Variants in FRY observed in about 807,000 individuals in gnomAD.
FRY encodes FRY microtubule binding protein.
FRY carries 128 observed loss-of-function variants against 348.4 expected under a neutral mutation model. That is an observed-to-expected ratio of 0.37 (90% CI 0.32 to 0.43). FRY has a LOEUF of 0.43. Among genes scored for constraint, FRY ranks in the 20% least tolerant of loss-of-function variants. The pLI, the probability that FRY is intolerant of heterozygous loss-of-function variation, is 1.00. For synonymous variants in FRY, 1,370 were observed against 1,374.7 expected (o/e 1.00, Z 0.08); for missense variants, 2,736 against 3,695.2 (o/e 0.74, Z 6.73).
At chr13:32,225,083 T>A in intron 38 of FRY, 47 bp downstream of exon 38, 1 of 1,028,056 alleles carries the variant, frequency 9.7e-7, no homozygotes, top group Non-Finnish European at 1.6e-6. Flanking sequence ...GTTAAAAATA[T>A]ACAGAAGTAA....
At position 32,145,122 on chromosome 13, in the gene FRY, G is replaced by A. The variant is rs570155161; in HGVS notation, c.1180-2160G>A. Among the ~76,000 whole-genome samples, 21 of 152,322 alleles carry A rather than the reference G, an allele frequency of 1.4e-4. 1 individual carries two copies. In the South Asian group the frequency reaches 3.9e-3, roughly 29 times the overall value. The stretch of plus-strand genomic sequence containing the variant: ...TAGCTAGGGTTTACAAAGCTTGCGG[G>A]AGAGTAACAGGATGGGAGGCAGAAG... On this transcript the variant is annotated intron_variant, in intron 11 of 60. Transcript: ENST00000542859.
At chr13:32,078,386 A>G (rs190649895) in intron 1 of FRY, among the ~76,000 whole-genome samples, 1 of 152,342 alleles carries the variant, frequency 6.6e-6, no homozygotes, top group Admixed American at 6.5e-5. Flanking sequence ...GAATGACCCC[A>G]GAGTCCTTTC....
At chr13:32,154,497 G>T (rs1479403047) in intron 14 of FRY, among the ~76,000 whole-genome samples, 1 of 152,156 alleles carries the variant, frequency 6.6e-6, no homozygotes, top group Non-Finnish European at 1.5e-5. Flanking sequence ...AGGCAAACCA[G>T]ATTTAGATGC....
chr13:32,154,711 A>G (rs1881002944), intron 14 of FRY, among the ~76,000 whole-genome samples: 1 of 152,224 alleles, frequency 6.6e-6, no homozygotes, highest in Non-Finnish European at 1.5e-5. Flanking sequence ...CATAGGTAGT[A>G]GTATACTTGG....
chr13:32,115,710 G>A (rs1310386692), intron 3 of FRY, among the ~76,000 whole-genome samples: 1 of 149,940 alleles, frequency 6.7e-6, no homozygotes, highest in Non-Finnish European at 1.5e-5. Context: ...TTTTTCTTGG[G>A]TCTCATCTCA....
chr13:32,177,388 G>A (rs1260091311), intron 20 of FRY, among the ~76,000 whole-genome samples: 3 of 152,124 alleles, frequency 2.0e-5, no homozygotes, highest in South Asian at 4.2e-4. Context: ...TCAGGAATTC[G>A]AGACCAGCCT....
At position 32,057,796 on chromosome 13, in the gene FRY, A is replaced by G. The variant is rs144438578; in HGVS notation, c.71-21038A>G. ...AACACGGTGAAACCCTGTCTCTACT[A>G]AAAAATACAAAAAATTAGCCGAGTG... On this transcript the variant is annotated intron_variant, in intron 1 of 60. Transcript: ENST00000542859. Among the ~76,000 whole-genome samples, 348 of 152,076 alleles carry G rather than the reference A, an allele frequency of 2.3e-3. 2 individuals are homozygous for G. Among genetic ancestry groups the G allele is most frequent in the African/African-American group, 8.0e-3 (333 of 41,496 alleles).
chr13:32,086,802 G>A (rs1029775781), intron 2 of FRY, among the ~76,000 whole-genome samples: 2 of 152,122 alleles, frequency 1.3e-5, no homozygotes, highest in African/African-American at 4.8e-5. Flanking sequence ...AATGAGAGCT[G>A]TGCTTATCTT....
intron 47 of FRY, among the ~76,000 whole-genome samples, chr13:32,245,949 T>TAA (rs1298410995): frequency 1.8e-4 from 27 of 152,326 alleles, no homozygotes; most frequent in African/African-American, 5.3e-4. Context: ...CCAAATTACT[T>TAA]ACAGAAATTA....
intron 7 of FRY, among the ~76,000 whole-genome samples, chr13:32,130,452 T>TTGTGTGTGTGTGTGTGTGTGTGTGTG (rs58000380): frequency 9.2e-5 from 13 of 141,988 alleles, no homozygotes; most frequent in African/African-American, 2.9e-4. Context: ...TGGAAAGTGT[T>TTGTGTGTGTGTGTGTGTGTGTGTGTG]TGTGTGTGTG....
At chr13:32,230,502 A>G (rs1037325824) in intron 40 of FRY, among the ~76,000 whole-genome samples, 1 of 152,140 alleles carries the variant, frequency 6.6e-6, no homozygotes, top group Non-Finnish European at 1.5e-5. Context: ...ATAATCTTGT[A>G]CATTTTTATG....
chr13:32,082,462 A>C (rs182972118), intron 2 of FRY, among the ~76,000 whole-genome samples: 13 of 150,652 alleles, frequency 8.6e-5, no homozygotes, highest in African/African-American at 2.5e-4. Context: ...TTTCCCAAGC[A>C]AAGTGTTCTA....
At chr13:32,199,234 G>C (rs1883863195) in intron 29 of FRY, among the ~76,000 whole-genome samples, 1 of 152,186 alleles carries the variant, frequency 6.6e-6, no homozygotes, top group Admixed American at 6.5e-5. Flanking sequence ...AGTTCCCAGA[G>C]AAGGCTTCAG....
intron 47 of FRY, 48 bp from the exon 48 acceptor site, chr13:32,247,275 T>TA (rs779364601): frequency 3.5e-5 from 53 of 1,503,512 alleles, no homozygotes; most frequent in Non-Finnish European, 4.6e-5. Context: ...ACATTAGCTT[T>TA]AAAAAAATTA....
intron 17 of FRY, among the ~76,000 whole-genome samples, chr13:32,169,805 A>G (rs1463263885): frequency 6.6e-6 from 1 of 152,156 alleles, no homozygotes; most frequent in East Asian, 1.9e-4. Flanking sequence ...AAATAAATGA[A>G]TGAATATGTA....
chr13:32,165,668 G>A (rs73167174), intron 17 of FRY, among the ~76,000 whole-genome samples: 3,491 of 152,240 alleles, frequency 0.023, 61 homozygotes, highest in Non-Finnish European at 0.031. Flanking sequence ...AAAGGAGGAT[G>A]TTTCTCCTAA....
intron 35 of FRY, among the ~76,000 whole-genome samples, chr13:32,216,080 T>C (rs1236068055): frequency 6.6e-6 from 1 of 152,196 alleles, no homozygotes; most frequent in African/African-American, 2.4e-5. Context: ...ATTATTAATT[T>C]GAGCTAAATC....
intron 18 of FRY, among the ~76,000 whole-genome samples, chr13:32,172,230 G>A (rs1435693300): frequency 2.0e-5 from 3 of 151,746 alleles, no homozygotes; most frequent in Admixed American, 2.0e-4. Flanking sequence ...GGATGTGATA[G>A]GGATGTGGAT....
Position 32,231,253 on chromosome 13 carries a change from C to T in FRY, c.5480C>T (p.Thr1827Ile). ...AATTCAAAGAGTGCTGAACAGCTCA[C>T]TAATTTTCTACGTCACGTTGTATCT... ...NQNSKSAEQL[T>I]NFLRHVVSVF... The change falls in exon 41 of 61, where the codon ACT becomes ATT. Residue 1827 changes from threonine to isoleucine, a missense_variant. Transcript: ENST00000542859. The T allele has an allele frequency of 6.2e-7, 1 of 1,613,250 alleles. No homozygotes were observed. The highest frequency in any genetic ancestry group is 8.5e-7 in the Non-Finnish European group (1 of 1,179,188).
Sources: allele counts gnomAD v4.1 joint callset (sites outside exome capture counted in the v4.1 genomes callset), GRCh38; gene constraint gnomAD v4.1.1; transcripts MANE v1.5; gene names NCBI Gene and HGNC (gene_info 2026-07-23, HGNC 2026-07-21).